IL18RAP: variants seen among roughly 807,000 people sequenced by gnomAD.
The protein encoded by IL18RAP is interleukin-18 receptor accessory protein.
IL18RAP carries 37 observed loss-of-function variants against 58.1 expected under a neutral mutation model. That is an observed-to-expected ratio of 0.64 (90% CI 0.49 to 0.84). The LOEUF (loss-of-function observed/expected upper bound fraction) is 0.84, where lower values mean the gene tolerates loss of function less well. IL18RAP is among the 40% of genes least tolerant of loss of function. The pLI is 0.00. For missense variants in IL18RAP, 667 were observed against 704.8 expected, an observed-to-expected ratio of 0.95 and a Z score of 0.61; for synonymous variants, 268 against 257.5, an observed-to-expected ratio of 1.04 and a Z score of -0.39.
intron 4 of IL18RAP, among the ~76,000 whole-genome samples, chr2:102,437,921 A>G (rs1682856957): frequency 6.6e-6 from 1 of 152,214 alleles, no homozygotes; most frequent in African/African-American, 2.4e-5. Context: ...TTTGTGTCAT[A>G]AACACTTGGT....
upstream of IL18RAP, among the ~76,000 whole-genome samples, chr2:102,421,946 G>T (rs1162406173): frequency 6.6e-6 from 1 of 151,954 alleles, no homozygotes; most frequent in Non-Finnish European, 1.5e-5. Context: ...ACTCTCACTT[G>T]TATTTGTCCT....
intron 3 of IL18RAP, among the ~76,000 whole-genome samples, chr2:102,426,730 A>G (rs1681968504): frequency 6.6e-6 from 1 of 152,182 alleles, no homozygotes; most frequent in Non-Finnish European, 1.5e-5. Context: ...TAACACATCC[A>G]TCACCTTGCT....
chr2:102,427,939 A>G (rs766991061), intron 3 of IL18RAP, among the ~76,000 whole-genome samples: 5 of 147,326 alleles, frequency 3.4e-5, no homozygotes, highest in African/African-American at 5.0e-5. Context: ...AACACCATTT[A>G]TTGGAGAGAT....
In IL18RAP at chr2:102,452,195, G is replaced by T. The variant is rs1258889212; in HGVS notation, c.*14G>T. 5 of 1,582,966 alleles carry T rather than the reference G, an allele frequency of 3.2e-6. No homozygotes were observed. The highest frequency in any genetic ancestry group is 3.4e-6 in the Non-Finnish European group (4 of 1,165,638). On this transcript the variant is annotated 3_prime_UTR_variant, in exon 10 of 10. Coordinates refer to ENST00000687160, the MANE Select transcript of IL18RAP (RefSeq NM_001393487.1). The stretch of plus-strand genomic sequence containing the variant: ...AAGGAATGGTGAAATGAGCCCTGGA[G>T]CCCCCTCCAGTCCAGTCCCTGGGAT...
intron 4 of IL18RAP, among the ~76,000 whole-genome samples, chr2:102,440,923 T>G (rs545403142): frequency 2.6e-5 from 4 of 152,348 alleles, no homozygotes; most frequent in African/African-American, 9.6e-5. Flanking sequence ...GACTCGGATA[T>G]GCTTGACTTG....
At chr2:102,430,737 G>A (rs777978765) in intron 3 of IL18RAP, among the ~76,000 whole-genome samples, 11 of 151,906 alleles carry the variant, frequency 7.2e-5, no homozygotes, top group African/African-American at 2.7e-4. Context: ...TTGTTTTGTG[G>A]TTACTATGAG....
intron 3 of IL18RAP, among the ~76,000 whole-genome samples, chr2:102,428,243 G>A (rs145245362): frequency 8.0e-4 from 121 of 151,734 alleles, no homozygotes; most frequent in African/African-American, 2.8e-3. Context: ...AAAAAACAAC[G>A]ACATTTTGAT....
chr2:102,437,612 T>C (rs1682838612), intron 4 of IL18RAP, among the ~76,000 whole-genome samples: 1 of 152,212 alleles, frequency 6.6e-6, no homozygotes, highest in African/African-American at 2.4e-5. Flanking sequence ...TGTAATAAAT[T>C]TAAAAAATGT....
chr2:102,441,306 T>A lies in IL18RAP; in HGVS notation c.731-6T>A. On this transcript the variant is annotated splice_region_variant and splice_polypyrimidine_tract_variant and intron_variant, in intron 4 of 9. Coordinates refer to ENST00000687160, the MANE Select transcript of IL18RAP (RefSeq NM_001393487.1). ...GCAAATAGTAATCTTTGTTTTCATC[T>A]TTCAGTGGGAGACACTAAACTCAAA... 6.2e-7 allele frequency: 1 copy of A among 1,611,622 alleles called. No homozygotes were observed. Among genetic ancestry groups the A allele is most frequent in the Non-Finnish European group, 8.5e-7 (1 of 1,177,970 alleles).
chr2:102,424,092 G>T lies in IL18RAP; in HGVS notation c.352G>T (p.Val118Leu), dbSNP rs761536970. The change falls in exon 2 of 10, where the codon GTG (valine) becomes TTG (leucine). Residue 118 changes from valine (V) to leucine (L), a missense_variant. Val to Leu is a conservative substitution (Grantham distance 32). Transcript: ENST00000687160. ...TACCCTTCACTTTTTGACCCCAGGG[G>T]TGAATAATTCTGGGTCATATATTTG... ...KCTLHFLTPG[V>L]NNSGSYICRP... The T allele has an allele frequency of 5.0e-6, 8 of 1,613,868 alleles. No homozygotes were observed. Among genetic ancestry groups the T allele is most frequent in the Non-Finnish European group, 5.1e-6 (6 of 1,179,840 alleles).
intron 7 of IL18RAP, 133 bp from the exon 8 acceptor site, chr2:102,446,937 T>G: frequency 1.1e-6 from 1 of 939,290 alleles, no homozygotes; most frequent in Non-Finnish European, 1.6e-6. Context: ...CAAAAACTGC[T>G]GCTAGTGGCA....
At position 102,445,223 on chromosome 2, in the gene IL18RAP, C is replaced by T. The variant is rs145435199; in HGVS notation, c.955C>T (p.Arg319Cys). 31 of 1,613,706 alleles carry T rather than the reference C, an allele frequency of 1.9e-5. No homozygotes were observed. The highest frequency in any genetic ancestry group is 1.1e-4 in the African/African-American group (8 of 74,906). Residue 319 changes from arginine to cysteine, a missense_variant, in exon 7 of 10, where the codon CGT becomes TGT. Transcript: ENST00000687160. ...KSTLKDEIIE[R>C]NIILEKVTQR... ...CACTTTAAAGGATGAAATCATTGAG[C>T]GTAATATCATCTTGGAAAAAGTCAC...
intron 6 of IL18RAP, among the ~76,000 whole-genome samples, chr2:102,444,966 G>A (rs1364015507): frequency 1.3e-5 from 2 of 152,170 alleles, no homozygotes; most frequent in Non-Finnish European, 2.9e-5. Flanking sequence ...GGTCAGATGA[G>A]TCTCACAAAT....
rs1457297424 is a variant in IL18RAP at position 102,450,912 on chromosome 2, T to G, written c.1275T>G (p.Thr425=). ...AKWSSFPSEA[T]SSLSEEHLAL... The stretch of plus-strand genomic sequence containing the variant: ...GGAGCTCTTTTCCAAGTGAGGCCAC[T>G]TCATCTCTGAGTGAAGAACACTTGG... The change falls in exon 9 of 10, where the codon ACT becomes ACG. Residue 425 remains threonine, a synonymous_variant. Coordinates refer to ENST00000687160, the MANE Select transcript of IL18RAP (RefSeq NM_001393487.1). The G allele has an allele frequency of 1.2e-6, 2 of 1,612,912 alleles. No individual in the cohort carries two copies. The highest frequency in any genetic ancestry group is 3.3e-5 in the Admixed American group (2 of 59,888).
At chr2:102,423,626 G>C (rs917229840) in intron 1 of IL18RAP, among the ~76,000 whole-genome samples, 185 bp from the exon 2 acceptor site, 1 of 152,156 alleles carries the variant, frequency 6.6e-6, no homozygotes, top group Non-Finnish European at 1.5e-5. Context: ...GCTGCTGCTG[G>C]TATGCTGGAG....
chr2:102,447,001 C>T (rs1298059073), intron 7 of IL18RAP, 69 bp from the exon 8 acceptor site: 9 of 1,515,086 alleles, frequency 5.9e-6, no homozygotes, highest in African/African-American at 1.4e-5. Flanking sequence ...GCCATAGCGC[C>T]GGCCTGAACA....
chr2:102,438,266 A>G (rs1037574179), intron 4 of IL18RAP, among the ~76,000 whole-genome samples: 4 of 152,204 alleles, frequency 2.6e-5, no homozygotes, highest in African/African-American at 9.6e-5. Context: ...TGAAAACATA[A>G]GACAGCCAGT....
intron 7 of IL18RAP, among the ~76,000 whole-genome samples, chr2:102,446,795 C>A (rs1212389036): frequency 1.8e-3 from 214 of 119,580 alleles, no homozygotes; most frequent in Non-Finnish European, 1.8e-3. Context: ...ACTCCGTCTC[C>A]AAAAAAAAAA....
intron 3 of IL18RAP, among the ~76,000 whole-genome samples, chr2:102,436,699 G>T (rs940840318): frequency 6.6e-6 from 1 of 151,876 alleles, no homozygotes; most frequent in Non-Finnish European, 1.5e-5. Flanking sequence ...AGCCACTCAC[G>T]TTCCAGAACC....
Sources: gnomAD v4.1 joint callset for allele counts (sites outside exome capture counted in the v4.1 genomes callset) on GRCh38, gnomAD v4.1.1 for gene constraint, MANE v1.5 for transcripts, NCBI Gene and HGNC (gene_info 2026-07-23, HGNC 2026-07-21) for gene names.